EYS: variants seen among roughly 807,000 people sequenced by gnomAD.
The protein encoded by EYS is protein eyes shut homolog.
A neutral mutation model predicts 282.1 loss-of-function variants in EYS; 250 were observed. The observed-to-expected ratio is 0.89, with a 90% CI of 0.80 to 0.98. The LOEUF is 0.98. Among genes scored for constraint, EYS ranks in the 50% least tolerant of loss-of-function variants. The pLI, the probability that EYS is intolerant of heterozygous loss-of-function variation, is 0.00. For synonymous variants in EYS, 1,355 were observed against 1,282.9 expected, an observed-to-expected ratio of 1.06 and a Z score of -1.20; for missense variants, 4,016 against 3,709.0, an observed-to-expected ratio of 1.08 and a Z score of -2.15.
intron 12 of EYS, among the ~76,000 whole-genome samples, chr6:65,219,916 C>T (rs948766561): frequency 2.0e-4 from 30 of 152,038 alleles, no homozygotes; most frequent in African/African-American, 7.0e-4. Context: ...GGGAAAACTG[C>T]CCCCATGATT....
At chr6:65,114,462 AT>A (rs5876942) in intron 12 of EYS, among the ~76,000 whole-genome samples, 41,585 of 148,004 alleles carry the variant, frequency 0.28, 6,504 homozygotes, top group Non-Finnish European at 0.33. Flanking sequence ...TTCCAAACTA[AT>A]TTTTTTTTTT....
chr6:65,582,158 T>G (rs1021142770), intron 2 of EYS, among the ~76,000 whole-genome samples: 2 of 151,420 alleles, frequency 1.3e-5, no homozygotes, highest in African/African-American at 4.9e-5. Context: ...ATGGCGCCAC[T>G]GCACTCCAGC....
rs142140534 is a variant in EYS at position 64,516,179 on chromosome 6, G to A, written c.5644+74044C>T. ...ACCTTTTTTGGAGGGTGGAAGGTGAGAGGAGGGAGAGAACCAGGAAAAAGT... is the reference window on the plus strand; with the variant it reads ...ACCTTTTTTGGAGGGTGGAAGGTGAAAGGAGGGAGAGAACCAGGAAAAAGT... On this transcript the variant is annotated intron_variant, in intron 26 of 42. Coordinates refer to ENST00000503581, the MANE Select transcript of EYS (RefSeq NM_001142800.2). Among the ~76,000 whole-genome samples, 254 of 151,428 alleles carry A rather than the reference G, an allele frequency of 1.7e-3. 1 individual carries two copies. The highest frequency in any genetic ancestry group is 3.4e-3 in the Middle Eastern group (1 of 290).
chr6:64,755,886 A>C (rs984389210), intron 22 of EYS, among the ~76,000 whole-genome samples: 1 of 152,128 alleles, frequency 6.6e-6, no homozygotes, highest in African/African-American at 2.4e-5. Context: ...TAACCCTTAA[A>C]TCTATAAAAA....
intron 28 of EYS, among the ~76,000 whole-genome samples, chr6:64,402,599 G>A (rs1202204157): frequency 6.6e-6 from 1 of 152,044 alleles, no homozygotes; most frequent in Non-Finnish European, 1.5e-5. Context: ...TTTGCCCATG[G>A]GGCTTCCCAC....
rs542139475 is a variant in EYS at position 64,301,192 on chromosome 6, C to T, written c.6191+5778G>A. 8.5e-5 allele frequency among the ~76,000 whole-genome samples: 13 copies of T among 152,312 alleles called. No individual in the cohort carries two copies. In the South Asian group the frequency reaches 1.7e-3, roughly 19 times the overall value. ...GCTTAAATTAAATACTAAAAACTTA[C>T]GTACCTTAAATGATTATCAGAATTT... On this transcript the variant is annotated intron_variant, in intron 30 of 42. Transcript: ENST00000503581.
At chr6:64,104,714 AAAACTCACTTAT>A (rs1772946796) in intron 31 of EYS, among the ~76,000 whole-genome samples, 1 of 151,294 alleles carries the variant, frequency 6.6e-6, no homozygotes, top group African/African-American at 2.4e-5. Context: ...TGTTCTGGGT[AAAACTCACTTAT>A]AATATCTCTC....
chr6:64,915,763 T>G (rs1768140985), intron 15 of EYS, among the ~76,000 whole-genome samples: 1 of 152,182 alleles, frequency 6.6e-6, no homozygotes, highest in Admixed American at 6.5e-5. Context: ...ATACTTTCAA[T>G]AAAGCTTTGA....
At position 63,819,848 on chromosome 6, in the gene EYS, A is replaced by T. The variant is rs183994950; in HGVS notation, c.7229-13476T>A. On this transcript the variant is annotated intron_variant, in intron 36 of 42. Coordinates refer to ENST00000503581, the MANE Select transcript of EYS (RefSeq NM_001142800.2). ...AGAACAAGTAATCAGGAGAATAAGG[A>T]CAAATTCCTGCCAATCCCATGATGT... is the stretch of plus-strand genomic sequence containing the variant. Among the ~76,000 whole-genome samples the T allele has an allele frequency of 3.0e-3, 457 of 152,230 alleles. 3 individuals are homozygous for T. Among genetic ancestry groups the T allele is most frequent in the Admixed American group, 8.2e-3 (126 of 15,300 alleles).
chr6:64,458,481 C>T lies in EYS; in HGVS notation c.5645-19129G>A, dbSNP rs1383575343. Among the ~76,000 whole-genome samples, 6 of 151,794 alleles carry T rather than the reference C, an allele frequency of 4.0e-5. No homozygotes were observed. In the South Asian group the frequency reaches 1.0e-3, roughly 26 times the overall value. ...ATAATTTGTTTTTTTTCTTTTTCTT[C>T]AGCACTTTGACTCTATCATTCCACA... is the stretch of plus-strand genomic sequence containing the variant. On this transcript the variant is annotated intron_variant, in intron 26 of 42. Coordinates refer to ENST00000503581, the MANE Select transcript of EYS (RefSeq NM_001142800.2).
chr6:64,462,920 G>A (rs1298787737), intron 26 of EYS, among the ~76,000 whole-genome samples: 1 of 147,972 alleles, frequency 6.8e-6, no homozygotes, highest in East Asian at 2.0e-4. Context: ...CTGCTTTCAA[G>A]TATAGCTTAT....
At chr6:64,295,226 A>C (rs920066327) in intron 30 of EYS, among the ~76,000 whole-genome samples, 1 of 148,572 alleles carries the variant, frequency 6.7e-6, no homozygotes, top group African/African-American at 2.5e-5. Flanking sequence ...TATTTAAAAA[A>C]TTAGCCGTTT....
chr6:65,276,967 G>A (rs1309124998), intron 12 of EYS, among the ~76,000 whole-genome samples: 2 of 152,044 alleles, frequency 1.3e-5, no homozygotes, highest in African/African-American at 4.8e-5. Context: ...ACAAAGTATT[G>A]AAGTATTGTT....
intron 30 of EYS, among the ~76,000 whole-genome samples, chr6:64,292,108 A>G (rs930309138): frequency 6.6e-6 from 1 of 152,126 alleles, no homozygotes; most frequent in Non-Finnish European, 1.5e-5. Flanking sequence ...CTGAACTTTG[A>G]AACTTGGTGT....
chr6:64,642,854 G>A (rs966333086), intron 22 of EYS, among the ~76,000 whole-genome samples: 31 of 152,178 alleles, frequency 2.0e-4, no homozygotes, highest in African/African-American at 7.5e-4. Flanking sequence ...GGTGGCTCAC[G>A]CCTGTAATCC....
intron 2 of EYS, among the ~76,000 whole-genome samples, chr6:65,546,788 C>T (rs963175948): frequency 2.0e-5 from 3 of 151,982 alleles, no homozygotes; most frequent in African/African-American, 7.3e-5. Flanking sequence ...CCGGGGCGGT[C>T]TTGAAATACT....
At position 64,244,207 on chromosome 6, in the gene EYS, T is replaced by C. The variant is rs78599768; in HGVS notation, c.6192-13383A>G. 9.2e-5 allele frequency among the ~76,000 whole-genome samples: 14 copies of C among 152,300 alleles called. No individual in the cohort carries two copies. The East Asian group carries it at 2.7e-3, about 29-fold the overall frequency. On this transcript the variant is annotated intron_variant, in intron 30 of 42. Coordinates refer to ENST00000503581, the MANE Select transcript of EYS (RefSeq NM_001142800.2). Reference sequence around the variant, plus strand: ...TTGAATTGCTAGAATATATGCTTCCTCACTTCTTCAATTGTTTTCATCTGT... The same window carrying C: ...TTGAATTGCTAGAATATATGCTTCCCCACTTCTTCAATTGTTTTCATCTGT...
intron 26 of EYS, among the ~76,000 whole-genome samples, chr6:64,446,670 G>A (rs776491151): frequency 2.6e-5 from 4 of 151,510 alleles, no homozygotes; most frequent in Non-Finnish European, 5.9e-5. Flanking sequence ...TGTGAAAGTT[G>A]GAATATTATG....
In EYS at chr6:64,912,489, C is replaced by G. The variant is rs1453667461; in HGVS notation, c.2636G>C (p.Arg879Thr). ...LVDANQHCIC[R>T]EEFEGKNCEI... ...AAATCCATATTAGCTCTTACCTTCT[C>G]TACAAATACAATGCTGATTTGCGTC... is the stretch of plus-strand genomic sequence containing the variant. Residue 879 changes from arginine (R) to threonine (T), a missense_variant, in exon 16 of 43, where the codon AGA becomes ACA. Coordinates refer to ENST00000503581, the MANE Select transcript of EYS (RefSeq NM_001142800.2). 2 of 1,550,912 alleles carry G rather than the reference C, an allele frequency of 1.3e-6. No homozygotes were observed. The highest frequency in any genetic ancestry group is 1.7e-6 in the Non-Finnish European group (2 of 1,146,348).
Sources: allele counts gnomAD v4.1 joint callset (sites outside exome capture counted in the v4.1 genomes callset), GRCh38; gene constraint gnomAD v4.1.1; transcripts MANE v1.5; gene names NCBI Gene and HGNC (gene_info 2026-07-23, HGNC 2026-07-21).